NMT2: variants seen among roughly 807,000 people sequenced by gnomAD.
NMT2 encodes the protein N-myristoyltransferase 2.
A neutral mutation model predicts 65.4 loss-of-function variants in NMT2; 35 were observed. The observed-to-expected ratio is 0.54, with a 90% confidence interval of 0.41 to 0.71. The LOEUF (loss-of-function observed/expected upper bound fraction) is 0.71, where lower values mean the gene tolerates loss of function less well. NMT2 is among the 30% of genes least tolerant of loss of function. The pLI is 0.00. For synonymous variants in NMT2, 226 were observed against 231.8 expected (o/e 0.98, Z 0.23); for missense variants, 489 against 611.3 (o/e 0.80, Z 2.11).
intron 1 of NMT2, among the ~76,000 whole-genome samples, chr10:15,162,760 A>T (rs1376274256): frequency 1.4e-5 from 2 of 148,064 alleles, no homozygotes; most frequent in Non-Finnish European, 3.0e-5. Context: ...ATATATATAT[A>T]TTTTATTTAT....
intron 1 of NMT2, among the ~76,000 whole-genome samples, chr10:15,162,251 CAA>C (rs35457996): frequency 0.15 from 10,055 of 67,696 alleles, 194 homozygotes; most frequent in East Asian, 0.2. Context: ...GACCTTGTCT[CAA>C]AAAAAAAAAA....
chr10:15,128,807 C>A (rs1302759894), intron 7 of NMT2, among the ~76,000 whole-genome samples: 2 of 152,108 alleles, frequency 1.3e-5, no homozygotes, highest in Non-Finnish European at 2.9e-5. Flanking sequence ...GAGTTCAAGA[C>A]CAGCCTGGCC....
chr10:15,142,748 C>T (rs1348695893), intron 1 of NMT2, among the ~76,000 whole-genome samples: 1 of 152,170 alleles, frequency 6.6e-6, no homozygotes, highest in Non-Finnish European at 1.5e-5. Context: ...TTTGTGCTAT[C>T]ATGATGTTTA....
intron 9 of NMT2, among the ~76,000 whole-genome samples, chr10:15,116,542 C>A (rs778278281): frequency 1.8e-4 from 28 of 152,000 alleles, no homozygotes; most frequent in Non-Finnish European, 3.2e-4. Flanking sequence ...AAACCCAAAG[C>A]AAGCAGACAG....
chr10:15,116,848 T>C (rs2131491112), intron 9 of NMT2, among the ~76,000 whole-genome samples: 1 of 152,252 alleles, frequency 6.6e-6, no homozygotes, highest in East Asian at 1.9e-4. Context: ...TCAAAAACTA[T>C]TAAAACTCAA....
intron 1 of NMT2, among the ~76,000 whole-genome samples, chr10:15,146,180 C>T (rs1846957685): frequency 6.6e-6 from 1 of 152,206 alleles, no homozygotes; most frequent in South Asian, 2.1e-4. Flanking sequence ...TGAAAGCCCG[C>T]ACACTTCAGC....
At chr10:15,131,591 G>A (rs569184633) in intron 6 of NMT2, among the ~76,000 whole-genome samples, 4 of 152,286 alleles carry the variant, frequency 2.6e-5, no homozygotes, top group South Asian at 4.1e-4. Context: ...ACCAGAGCTG[G>A]TGCGCTCTGA....
Position 15,108,708 on chromosome 10 carries a change from T to A in NMT2, c.*487A>T, listed in dbSNP as rs1012722424. On this transcript the variant is annotated 3_prime_UTR_variant, in exon 12 of 12. Coordinates refer to ENST00000378165, the MANE Select transcript of NMT2 (RefSeq NM_004808.3). ...TACAGAAGTGTTGATTCCATAAATG[T>A]TCCCAGTGATACCATGTAAGGTGAT... 3.2e-5 allele frequency: 32 copies of A among 996,568 alleles called. No homozygotes were observed. In the African/African-American group the frequency reaches 5.2e-4, roughly 16 times the overall value. The allele number at this position is 996,568 out of a possible 1,614,324, so 61.7% of individuals were successfully genotyped here.
At chr10:15,119,630 T>C in intron 8 of NMT2, 117 bp from the exon 9 acceptor site, 1 of 762,730 alleles carries the variant, frequency 1.3e-6, no homozygotes, top group Non-Finnish European at 2.2e-6. Context: ...GGGAGCTAGT[T>C]AGAGCTGCAG....
chr10:15,132,417 C>CATTTAT (rs1338540729), intron 6 of NMT2, among the ~76,000 whole-genome samples: 2 of 152,012 alleles, frequency 1.3e-5, no homozygotes, highest in East Asian at 3.9e-4. Context: ...TGCATTCAGT[C>CATTTAT]ATTTTTATTT....
chr10:15,115,405 T>C (rs1248689116), intron 9 of NMT2, among the ~76,000 whole-genome samples: 1 of 152,192 alleles, frequency 6.6e-6, no homozygotes, highest in African/African-American at 2.4e-5. Context: ...ATAAGTCACA[T>C]ATATATATTG....
At chr10:15,123,300 A>T (rs1031564451) in intron 8 of NMT2, among the ~76,000 whole-genome samples, 1 of 152,130 alleles carries the variant, frequency 6.6e-6, no homozygotes, top group African/African-American at 2.4e-5. Context: ...TAATCTCAGC[A>T]CTTTGGGAGG....
rs78678955 is a variant in NMT2 at position 15,119,263 on chromosome 10, T to C, written c.1170+80A>G. The C allele has an allele frequency of 1.2e-3, 1,420 of 1,176,408 alleles. 19 individuals carry two copies. The African/African-American group carries it at 0.018, about 15-fold the overall frequency. The allele number at this position is 1,176,408 out of a possible 1,614,324, so 72.9% of individuals were successfully genotyped here. ...TGTTCTGTGATGAAATAGAAGGAAG[T>C]GTGTGTAAATAATTCTGCTGCACGC... On this transcript the variant is annotated intron_variant, in intron 9 of 11. Coordinates refer to ENST00000378165, the MANE Select transcript of NMT2 (RefSeq NM_004808.3).
intron 8 of NMT2, among the ~76,000 whole-genome samples, chr10:15,123,014 T>C (rs1343212471): frequency 6.6e-6 from 1 of 152,080 alleles, no homozygotes; most frequent in African/African-American, 2.4e-5. Context: ...AGAACTGCTA[T>C]CTTAGGTCTC....
chr10:15,168,403 C>T lies in NMT2; in HGVS notation c.110+100G>A, dbSNP rs1833448627. On this transcript the variant is annotated intron_variant, in intron 1 of 11. Coordinates refer to ENST00000378165, the MANE Select transcript of NMT2 (RefSeq NM_004808.3). ...GAGAAGCCATCGCGGGGCGGAGCGG[C>T]CGAAGAACCCCCAGTCCTGGGAGCC... The T allele has an allele frequency of 4.7e-6, 4 of 850,562 alleles. No homozygotes were observed. The East Asian group carries it at 1.2e-4, about 25-fold the overall frequency. 52.7% of individuals were successfully genotyped at this position (850,562 alleles called of 1,614,324 possible).
At chr10:15,143,787 G>C (rs931657899) in intron 1 of NMT2, among the ~76,000 whole-genome samples, 1 of 152,120 alleles carries the variant, frequency 6.6e-6, no homozygotes, top group Non-Finnish European at 1.5e-5. Flanking sequence ...CTTGAGCCTG[G>C]GAGGCTGCAG....
chr10:15,149,409 TCACTGCCAC>T (rs1847081022), intron 1 of NMT2, among the ~76,000 whole-genome samples: 1 of 39,628 alleles, frequency 2.5e-5, no homozygotes, highest in Admixed American at 2.5e-4. Context: ...ATCACCACCA[TCACTGCCAC>T]CATCATCACC....
At chr10:15,115,979 T>A (rs1020029123) in intron 9 of NMT2, among the ~76,000 whole-genome samples, 1 of 152,098 alleles carries the variant, frequency 6.6e-6, no homozygotes, top group Non-Finnish European at 1.5e-5. Context: ...AAATCCACAA[T>A]TACAGCTGGG....
chr10:15,110,756 G>T (rs1048829364), intron 10 of NMT2, among the ~76,000 whole-genome samples: 2 of 152,094 alleles, frequency 1.3e-5, no homozygotes, highest in Non-Finnish European at 2.9e-5. Context: ...TACTTATGAA[G>T]ATTTCAGAAA....
Sources: allele counts gnomAD v4.1 joint callset (sites outside exome capture counted in the v4.1 genomes callset), GRCh38; gene constraint gnomAD v4.1.1; transcripts MANE v1.5; gene names NCBI Gene and HGNC (gene_info 2026-07-23, HGNC 2026-07-21).